The following TBC1D8 variants were observed in gnomAD, a reference collection of about 807,000 sequenced individuals.
TBC1D8 encodes the protein BUB2-like protein 1.
Under a neutral mutation model 118.8 loss-of-function variants are expected in TBC1D8, and 65 were observed. The ratio of observed to expected loss-of-function variants is 0.55; its 90% CI spans 0.45 to 0.67. The LOEUF (loss-of-function observed/expected upper bound fraction) is 0.67. Among genes scored for constraint, TBC1D8 ranks in the 30% least tolerant of loss-of-function variants. TBC1D8 has a pLI of 0.00. For synonymous variants in TBC1D8, 566 were observed against 595.8 expected, an observed-to-expected ratio of 0.95 and a Z score of 0.73; for missense variants, 1,376 against 1,471.2, an observed-to-expected ratio of 0.94 and a Z score of 1.06.
Position 101,099,086 on chromosome 2 carries a change from G to A in TBC1D8, c.128-8722C>T, listed in dbSNP as rs201596081. Among the ~76,000 whole-genome samples the A allele has an allele frequency of 1.4e-4, 21 of 151,758 alleles. No homozygotes were observed. In the East Asian group the frequency reaches 3.9e-3, roughly 28 times the overall value. On this transcript the variant is annotated intron_variant, in intron 1 of 19. Coordinates refer to ENST00000409318, the MANE Select transcript of TBC1D8 (RefSeq NM_001330348.2). ...AAAAAATCTATGAATCCAGAAGATGGTTTTTTGAAAAAATTAACAAGACCA... is the reference window on the plus strand; with the variant it reads ...AAAAAATCTATGAATCCAGAAGATGATTTTTTGAAAAAATTAACAAGACCA...
Position 101,007,938 on chromosome 2 carries a change from A to C in TBC1D8, c.3351T>G (p.Phe1117Leu), listed in dbSNP as rs1295090936. The change falls in exon 20 of 20, where the codon TTT (phenylalanine) becomes TTG (leucine). Residue 1117 changes from phenylalanine (F) to leucine (L), a missense_variant. Physicochemically the swap from Phe to Leu is conservative, Grantham distance 22. Coordinates refer to ENST00000409318, the MANE Select transcript of TBC1D8 (RefSeq NM_001330348.2). ...TGGATTTCATGTCCAGTGGCTTTTC[A>C]AAAAAGTTGACTAATGACTGTTCAG... is the stretch of plus-strand genomic sequence containing the variant. ...LLTEQSLVNFFEKPLDMKSKL... is the reference protein window; with the variant it reads ...LLTEQSLVNFLEKPLDMKSKL... 1.2e-6 allele frequency: 2 copies of C among 1,613,928 alleles called. No individual in the cohort carries two copies. Among genetic ancestry groups the C allele is most frequent in the Non-Finnish European group, 1.7e-6 (2 of 1,179,908 alleles).
At chr2:101,129,537 G>A (rs1343533180) in intron 1 of TBC1D8, among the ~76,000 whole-genome samples, 2 of 152,176 alleles carry the variant, frequency 1.3e-5, no homozygotes, top group Non-Finnish European at 2.9e-5. Context: ...TAGCTGGAGA[G>A]ATCTGGAGGA....
At chr2:101,087,643 CA>C (rs34582477) in intron 2 of TBC1D8, among the ~76,000 whole-genome samples, 1,962 of 104,874 alleles carry the variant, frequency 0.019, 34 homozygotes, top group African/African-American at 0.055. Context: ...GACTCTGTCT[CA>C]AAAAAAAAAA....
At chr2:101,030,159 A>C (rs565271549) in intron 11 of TBC1D8, among the ~76,000 whole-genome samples, 2 of 152,316 alleles carry the variant, frequency 1.3e-5, no homozygotes, top group South Asian at 2.1e-4. Context: ...AAAAGTACTA[A>C]CCATAGAAAA....
chr2:101,022,599 T>A, intron 15 of TBC1D8, 78 bp from the exon 16 acceptor site: 1 of 1,508,518 alleles, frequency 6.6e-7, no homozygotes, highest in South Asian at 1.4e-5. Context: ...AATACAATAA[T>A]AAATTACTCA....
At chr2:101,038,328 G>C in intron 7 of TBC1D8, 133 bp downstream of exon 7, 1 of 1,083,034 alleles carries the variant, frequency 9.2e-7, no homozygotes, top group Non-Finnish European at 1.3e-6. Context: ...CGGCACATCA[G>C]AAATGACAGC....
At chr2:101,052,739 C>T (rs1178981533) in intron 4 of TBC1D8, among the ~76,000 whole-genome samples, 2 of 152,102 alleles carry the variant, frequency 1.3e-5, no homozygotes, top group East Asian at 3.9e-4. Flanking sequence ...GTGACAATCA[C>T]TAATAAGTGT....
At chr2:101,098,106 G>A (rs1676586689) in intron 1 of TBC1D8, among the ~76,000 whole-genome samples, 1 of 152,068 alleles carries the variant, frequency 6.6e-6, no homozygotes, top group South Asian at 2.1e-4. Context: ...ACAAAGCAAT[G>A]AATAAAAAAG....
intron 2 of TBC1D8, among the ~76,000 whole-genome samples, chr2:101,063,805 T>C (rs1682885364): frequency 6.6e-6 from 1 of 151,838 alleles, no homozygotes; most frequent in African/African-American, 2.4e-5. Context: ...CTCCTAAGGA[T>C]AGCTACTGAT....
At chr2:101,063,419 C>T (rs975745098) in intron 2 of TBC1D8, among the ~76,000 whole-genome samples, 1 of 152,180 alleles carries the variant, frequency 6.6e-6, no homozygotes, top group African/African-American at 2.4e-5. Context: ...CTATAGTAAG[C>T]TTTTGTTCCA....
At chr2:101,043,772 T>A (rs753490142) in intron 5 of TBC1D8, among the ~76,000 whole-genome samples, 3 of 151,994 alleles carry the variant, frequency 2.0e-5, no homozygotes, top group African/African-American at 4.8e-5. Context: ...AAACCCCGCC[T>A]CTACTAAAAA....
At chr2:101,040,521 G>C (rs1681318458) in intron 5 of TBC1D8, 136 bp from the exon 6 acceptor site, 1 of 852,250 alleles carries the variant, frequency 1.2e-6, no homozygotes, top group Admixed American at 2.6e-5. Flanking sequence ...CCAGGATGGA[G>C]TGCAGTGGTG....
intron 14 of TBC1D8, 60 bp from the exon 15 acceptor site, chr2:101,027,511 G>T: frequency 6.7e-7 from 1 of 1,494,164 alleles, no homozygotes. Flanking sequence ...CAGGGGTCAG[G>T]GCAAGAGGGG....
intron 5 of TBC1D8, among the ~76,000 whole-genome samples, chr2:101,045,362 C>T (rs937520295): frequency 4.6e-5 from 7 of 152,224 alleles, no homozygotes; most frequent in Non-Finnish European, 1.0e-4. Flanking sequence ...TCCCCATCCA[C>T]CCACTAGAAT....
intron 1 of TBC1D8, among the ~76,000 whole-genome samples, chr2:101,104,982 A>AGGTG (rs879477820): frequency 0.098 from 14,538 of 148,104 alleles, 899 homozygotes; most frequent in South Asian, 0.21. Flanking sequence ...CCGAGATCAC[A>AGGTG]CCATTGCACT....
chr2:101,062,500 C>G (rs1175304466), intron 2 of TBC1D8, among the ~76,000 whole-genome samples: 1 of 152,168 alleles, frequency 6.6e-6, no homozygotes, highest in Non-Finnish European at 1.5e-5. Flanking sequence ...TCTCACAGAT[C>G]TGTGATGAAG....
At chr2:101,133,461 A>G (rs11686264) in intron 1 of TBC1D8, among the ~76,000 whole-genome samples, 5,245 of 152,074 alleles carry the variant, frequency 0.034, 129 homozygotes, top group Middle Eastern at 0.11. Context: ...CAAAATCTCC[A>G]CTACCTGGAT....
Position 101,029,565 on chromosome 2 carries a change from C to G in TBC1D8, c.2148G>C (p.Leu716=). 1 of 1,614,002 alleles carries G rather than the reference C, an allele frequency of 6.2e-7. No individual in the cohort carries two copies. Among genetic ancestry groups the G allele is most frequent in the Non-Finnish European group, 8.5e-7 (1 of 1,179,892 alleles). The part of the protein sequence containing the change: ...DGIKAIFQLG[L]AVLEANAEDL... ...CCTCAGCATTGGCCTCAAGCACAGC[C>G]AGTCCCAGCTGGAAGATGGCTTTGA... The change falls in exon 12 of 20, where the codon CTG becomes CTC. Residue 716 remains leucine, a synonymous_variant. Coordinates refer to ENST00000409318, the MANE Select transcript of TBC1D8 (RefSeq NM_001330348.2).
chr2:101,040,320 T>C lies in TBC1D8; in HGVS notation c.938A>G (p.Lys313Arg). The C allele has an allele frequency of 6.2e-7, 1 of 1,613,950 alleles. No individual in the cohort carries two copies. Among genetic ancestry groups the C allele is most frequent in the South Asian group, 1.1e-5 (1 of 91,064 alleles). Residue 313 changes from lysine to arginine, a missense_variant, in exon 6 of 20, where the codon AAG becomes AGG. Lys to Arg is a conservative substitution (Grantham distance 26, BLOSUM62 2). Transcript: ENST00000409318. ...CGAACAGTCCACAACCGCGTGCAGC[T>C]TCTCCTTCCTCGGCAACCTGAAGAA... ...RAFFRLPRKE[K>R]LHAVVDCSLW...
Sources: allele counts gnomAD v4.1 joint callset (sites outside exome capture counted in the v4.1 genomes callset), GRCh38; gene constraint gnomAD v4.1.1; transcripts MANE v1.5; gene names NCBI Gene and HGNC (gene_info 2026-07-23, HGNC 2026-07-21).